SMARCA2: variants seen among roughly 807,000 people sequenced by gnomAD.
SMARCA2 encodes SWI/SNF-related matrix-associated actin-dependent regulator of chromatin subfamily A member 2.
In SMARCA2, 61 loss-of-function variants were observed where a neutral mutation model predicts 199.8. That is an observed-to-expected ratio of 0.31 (90% CI 0.25 to 0.38). The LOEUF (loss-of-function observed/expected upper bound fraction) is 0.38. Ranked by LOEUF, SMARCA2 falls within the 10% of genes least tolerant of loss-of-function variation. The pLI is 1.00. For synonymous variants in SMARCA2, 935 were observed against 732.0 expected (o/e 1.28, Z -4.48); for missense variants, 1,344 against 2,012.2 (o/e 0.67, Z 6.35).
intron 31 of SMARCA2, among the ~76,000 whole-genome samples, chr9:2,185,408 C>CATTTGTCGAT (rs938563253): frequency 6.6e-6 from 1 of 152,204 alleles, no homozygotes; most frequent in Non-Finnish European, 1.5e-5. Flanking sequence ...CTTATCCACT[C>CATTTGTCGAT]ATTTGTCGAT....
chr9:2,083,096 CTATATT>C lies in SMARCA2; in HGVS notation c.2349-247_2349-242del, dbSNP rs1384627541. 3.3e-5 allele frequency among the ~76,000 whole-genome samples: 5 copies of C among 151,918 alleles called. No homozygotes were observed. The East Asian group carries it at 9.6e-4, about 29-fold the overall frequency. ...ATATTACAGTTTAGTTTTTTGCTCTCTATATTTATGTATTCTTTAGTTTTTTTCTTA... is the reference window on the plus strand; with the variant it reads ...ATATTACAGTTTAGTTTTTTGCTCTCTATGTATTCTTTAGTTTTTTTCTTA... On this transcript the variant is annotated intron_variant, in intron 15 of 33. Transcript: ENST00000349721.
chr9:2,107,771 G>A (rs1563773175), intron 23 of SMARCA2, among the ~76,000 whole-genome samples: 1 of 152,082 alleles, frequency 6.6e-6, no homozygotes, highest in Non-Finnish European at 1.5e-5. Flanking sequence ...TTTCATCTCA[G>A]TAGGCATTGG....
intron 32 of SMARCA2, among the ~76,000 whole-genome samples, chr9:2,187,801 G>A (rs775235307): frequency 5.9e-5 from 9 of 151,978 alleles, no homozygotes; most frequent in African/African-American, 2.2e-4. Flanking sequence ...AGTATAAGCC[G>A]AGCCCAGTGG....
At chr9:2,146,598 G>C (rs1824761131) in intron 27 of SMARCA2, among the ~76,000 whole-genome samples, 1 of 152,194 alleles carries the variant, frequency 6.6e-6, no homozygotes, top group East Asian at 1.9e-4. Context: ...ATACAGTAAA[G>C]AGAAAGCAAG....
intron 8 of SMARCA2, 40 bp from the exon 9 acceptor site, chr9:2,060,776 C>G: frequency 6.3e-7 from 1 of 1,599,066 alleles, no homozygotes; most frequent in Admixed American, 1.7e-5. Context: ...TGTCTGCACG[C>G]TTATATTATG....
intron 3 of SMARCA2, among the ~76,000 whole-genome samples, chr9:2,035,200 C>A (rs1819273164): frequency 6.6e-6 from 1 of 151,886 alleles, no homozygotes; most frequent in Non-Finnish European, 1.5e-5. Flanking sequence ...TGCCACCACA[C>A]CCAGCTAATT....
At chr9:2,099,469 G>C (rs1485282662) in intron 21 of SMARCA2, among the ~76,000 whole-genome samples, 1 of 152,154 alleles carries the variant, frequency 6.6e-6, no homozygotes, top group Non-Finnish European at 1.5e-5. Context: ...AAGGAAGGGA[G>C]ATGATGCCTT....
At chr9:2,181,503 T>C in intron 29 of SMARCA2, 68 bp from the exon 30 acceptor site, 1 of 813,594 alleles carries the variant, frequency 1.2e-6, no homozygotes, top group Non-Finnish European at 2.2e-6. Context: ...TGTTCTGAAA[T>C]AAAAATAAAA....
intron 1 of SMARCA2, among the ~76,000 whole-genome samples, chr9:2,021,138 C>T (rs1332745095): frequency 1.3e-5 from 2 of 152,128 alleles, no homozygotes; most frequent in East Asian, 3.8e-4. Context: ...GCCAGTATGT[C>T]ATCTACATCT....
intron 22 of SMARCA2, among the ~76,000 whole-genome samples, chr9:2,103,196 G>T (rs768381678): frequency 3.3e-5 from 5 of 152,140 alleles, no homozygotes; most frequent in Admixed American, 6.5e-5. Context: ...TAAAGATCCA[G>T]ATTGTAAATA....
chr9:2,050,966 G>C (rs904649701), intron 5 of SMARCA2, among the ~76,000 whole-genome samples: 2 of 152,106 alleles, frequency 1.3e-5, no homozygotes, highest in Admixed American at 6.5e-5. Flanking sequence ...TTCTGTACTC[G>C]TGAGGACGCT....
Position 2,047,434 on chromosome 9 carries a change from G to C in SMARCA2, c.996G>C (p.Gln332His), listed in dbSNP as rs1356328922. 6.9e-6 allele frequency: 11 copies of C among 1,584,662 alleles called. No homozygotes were observed. Among genetic ancestry groups the C allele is most frequent in the Non-Finnish European group, 9.4e-6 (11 of 1,166,952 alleles). Reference protein sequence around the residue: ...QQKQSRISPIQKPQGLDPVEI... With the variant: ...QQKQSRISPIHKPQGLDPVEI... Reference sequence around the variant, plus strand: ...AGCAGAGCCGCATCAGCCCCATCCAGAAACCGCAAGGCCTGGACCCCGTGG... The same window carrying C: ...AGCAGAGCCGCATCAGCCCCATCCACAAACCGCAAGGCCTGGACCCCGTGG... Residue 332 changes from glutamine to histidine, a missense_variant, in exon 5 of 34, where the codon CAG becomes CAC. Around this residue, in one of 18 missense-constraint regions of SMARCA2, gnomAD observed 155 missense variants for 260.0 expected, o/e 0.60. Transcript: ENST00000349721.
intron 1 of SMARCA2, among the ~76,000 whole-genome samples, chr9:2,027,254 C>A (rs1246824144): frequency 6.6e-6 from 1 of 151,744 alleles, no homozygotes; most frequent in Non-Finnish European, 1.5e-5. Context: ...CCAGCCTGGG[C>A]AATATAGTGA....
intron 27 of SMARCA2, among the ~76,000 whole-genome samples, chr9:2,130,254 C>A (rs1052306688): frequency 6.6e-6 from 1 of 152,246 alleles, no homozygotes; most frequent in Non-Finnish European, 1.5e-5. Flanking sequence ...AGGCTCTCCT[C>A]CTTGCCTTCC....
intron 9 of SMARCA2, among the ~76,000 whole-genome samples, chr9:2,064,181 G>A (rs1219806337): frequency 2.6e-5 from 4 of 152,250 alleles, no homozygotes; most frequent in South Asian, 4.1e-4. Context: ...GATTGAACAT[G>A]GCTGAATTAG....
chr9:2,185,968 G>C, intron 31 of SMARCA2, 128 bp from the exon 32 acceptor site: 1 of 873,906 alleles, frequency 1.1e-6, no homozygotes, highest in East Asian at 2.5e-5. Flanking sequence ...TTTCATGTGG[G>C]CATAAAAGCT....
chr9:2,141,726 C>A (rs1824467462), intron 27 of SMARCA2, among the ~76,000 whole-genome samples: 1 of 152,032 alleles, frequency 6.6e-6, no homozygotes, highest in African/African-American at 2.4e-5. Flanking sequence ...TCATCCAAGC[C>A]ATCTATGCAA....
At chr9:2,173,566 G>C (rs1826375628) in intron 29 of SMARCA2, among the ~76,000 whole-genome samples, 1 of 152,110 alleles carries the variant, frequency 6.6e-6, no homozygotes, top group African/African-American at 2.4e-5. Context: ...GTTTCTGATA[G>C]TTTGGACCCA....
Position 2,039,551 on chromosome 9 carries a change from G to A in SMARCA2, c.441G>A (p.Gln147=), listed in dbSNP as rs1474935218. The change falls in exon 4 of 34, where the codon CAG becomes CAA. Residue 147 remains glutamine, a synonymous_variant. Transcript: ENST00000349721. This position sits in a 1 kb window ranked among gnomAD's most constrained non-coding sequence, Gnocchi z 4.8. ...PMSGGGPTPP[Q]MPPSQPGALI... ...CTGGAGGAGGCCCAACTCCACCTCA[G>A]ATGCCACCAAGCCAGCCGGGGGCCC... 4 of 1,614,020 alleles carry A rather than the reference G, an allele frequency of 2.5e-6. No individual in the cohort carries two copies. The highest frequency in any genetic ancestry group is 3.4e-6 in the Non-Finnish European group (4 of 1,180,026).
Sources: gnomAD v4.1 joint callset for allele counts (sites outside exome capture counted in the v4.1 genomes callset) on GRCh38, gnomAD v4.1.1 for gene constraint, gnomAD v4.1.1 regional missense constraint, Gnocchi (gnomAD v3.1) non-coding constraint, MANE v1.5 for transcripts, NCBI Gene and HGNC (gene_info 2026-07-23, HGNC 2026-07-21) for gene names.